Variants in DUOX2 observed in about 807,000 individuals in gnomAD.
DUOX2 encodes NADH/NADPH thyroid oxidase p138-tox.
A neutral mutation model predicts 183.3 loss-of-function variants in DUOX2; 185 were observed. The observed-to-expected ratio is 1.01, with a 90% CI of 0.90 to 1.14. The LOEUF (loss-of-function observed/expected upper bound fraction) is 1.14. Among genes scored for constraint, DUOX2 ranks in the 50% most tolerant of loss-of-function variants. The pLI, the probability that DUOX2 is intolerant of heterozygous loss-of-function variation, is 0.00. For missense variants in DUOX2, 1,999 were observed against 2,022.9 expected (o/e 0.99, Z 0.23); for synonymous variants, 788 against 812.4 (o/e 0.97, Z 0.51).
At chr15:45,109,033 C>T (rs1894308738) in intron 11 of DUOX2, 81 bp from the exon 12 acceptor site, 8 of 1,553,330 alleles carry the variant, frequency 5.2e-6, no homozygotes, top group African/African-American at 1.4e-5. Flanking sequence ...TGACTATTGG[C>T]ACTACGGTTC....
intron 26 of DUOX2, 179 bp downstream of exon 26, chr15:45,099,204 G>T (rs1212269765): frequency 5.7e-6 from 3 of 529,810 alleles, no homozygotes; most frequent in Non-Finnish European, 1.0e-5. Flanking sequence ...TAGAGACGGG[G>T]TTTCACCGTG....
rs1206631762 is a variant in DUOX2 at position 45,111,903 on chromosome 15, G to A, written c.378C>T (p.Ala126=). Residue 126 remains alanine (A), a synonymous_variant, in exon 5 of 34, where the codon GCC becomes GCT. Transcript: ENST00000389039. ...VVSVETPGCP[A]EFLNIRIPPG... The stretch of plus-strand genomic sequence containing the variant: ...GTGGGATGCGGATGTTGAGGAACTC[G>A]GCGGGGCAACCGGGCGTTTCCACGC... The A allele has an allele frequency of 4.3e-6, 7 of 1,613,732 alleles. No individual in the cohort carries two copies. The highest frequency in any genetic ancestry group is 5.9e-6 in the Non-Finnish European group (7 of 1,180,002).
In DUOX2 at chr15:45,111,412, G is replaced by C. The variant is rs1468931083; in HGVS notation, c.687C>G (p.Thr229=). 3.4e-6 allele frequency: 5 copies of C among 1,490,808 alleles called. No homozygotes were observed. The highest frequency in any genetic ancestry group is 4.5e-6 in the Non-Finnish European group (5 of 1,121,596). The allele number at this position is 1,490,808 out of a possible 1,614,324, so 92.3% of individuals were successfully genotyped here. The change falls in exon 6 of 34, where the codon ACC becomes ACG. Residue 229 remains threonine (T), a synonymous_variant. Coordinates refer to ENST00000389039, the MANE Select transcript of DUOX2 (RefSeq NM_001363711.2). The part of the protein sequence containing the change: ...LLMWAAPDPA[T]GQNGPRGLYA... ...ACAGCCCCCGGGGCCCGTTCTGCCCGGTGGCGGGGTCGGGCGCCGCCCACA... is the reference window on the plus strand; with the variant it reads ...ACAGCCCCCGGGGCCCGTTCTGCCCCGTGGCGGGGTCGGGCGCCGCCCACA...
intron 32 of DUOX2, 68 bp from the exon 33 acceptor site, chr15:45,094,759 T>C: frequency 1.2e-6 from 2 of 1,606,152 alleles, no homozygotes; most frequent in Non-Finnish European, 8.5e-7. Context: ...CCAGCCCACA[T>C]AGCCCAAGAG....
chr15:45,110,666 T>A lies in DUOX2; in HGVS notation c.927A>T (p.Thr309=), dbSNP rs1038359107. Residue 309 remains threonine, a synonymous_variant, in exon 8 of 34, where the codon ACA becomes ACT. Transcript: ENST00000389039. ...YEWLPSFLQK[T]LPEYTGYRPF... ...CTCCCTCACCTGTATACTCCGGGAG[T>A]GTTTTCTGCAGGAAGCTGGGCAGCC... is the stretch of plus-strand genomic sequence containing the variant. 4 of 1,612,064 alleles carry A rather than the reference T, an allele frequency of 2.5e-6. No homozygotes were observed. The African/African-American group carries it at 5.4e-5, about 22-fold the overall frequency.
At position 45,097,262 on chromosome 15, in the gene DUOX2, C is replaced by T; in HGVS notation, c.3823G>A (p.Val1275Met). ...CCTGAGGGCAGCAGCTCCGCCTTCA[C>T]CACGCTGATCTCCACCTTCTTCCGG... ...LSRKKVEISV[V>M]KAELLPSGVT... The change falls in exon 29 of 34, where the codon GTG (valine) becomes ATG (methionine). Residue 1275 changes from valine (V) to methionine (M), a missense_variant. Around this residue, in one of 3 missense-constraint regions of DUOX2, gnomAD observed 1,628 missense variants for 1,608.6 expected, o/e 1.01. Coordinates refer to ENST00000389039, the MANE Select transcript of DUOX2 (RefSeq NM_001363711.2). 6.2e-7 allele frequency: 1 copy of T among 1,614,240 alleles called. No homozygotes were observed. The highest frequency in any genetic ancestry group is 8.5e-7 in the Non-Finnish European group (1 of 1,180,048).
chr15:45,112,485 G>C (rs927841267), intron 4 of DUOX2, 69 bp downstream of exon 4: 1 of 1,586,004 alleles, frequency 6.3e-7, no homozygotes, highest in Non-Finnish European at 8.6e-7. Flanking sequence ...TCGCAGACGG[G>C]ATCTGGCCCC....
chr15:45,107,231 C>A lies in DUOX2; in HGVS notation c.1693+114G>T, dbSNP rs774147306. The A allele has an allele frequency of 3.1e-5, 44 of 1,403,144 alleles. No homozygotes were observed. In the East Asian group the frequency reaches 9.1e-4, roughly 29 times the overall value. 86.9% of individuals were successfully genotyped at this position (1,403,144 alleles called of 1,614,324 possible). ...AGCCAGCCAAATGCAGGCCTCCTAG[C>A]CCAACACAGAAGGTGCCTGGCTCCC... On this transcript the variant is annotated intron_variant, in intron 14 of 33. Coordinates refer to ENST00000389039, the MANE Select transcript of DUOX2 (RefSeq NM_001363711.2).
chr15:45,107,868 A>AG (rs1215269293), intron 13 of DUOX2, among the ~76,000 whole-genome samples, 179 bp downstream of exon 13: 57 of 13,536 alleles, frequency 4.2e-3, no homozygotes, highest in East Asian at 0.012. Context: ...AAAAAAAAAA[A>AG]AAAAGAAAAA....
intron 20 of DUOX2, among the ~76,000 whole-genome samples, chr15:45,102,497 G>A (rs1894108973): frequency 2.0e-5 from 3 of 152,224 alleles, no homozygotes; most frequent in Non-Finnish European, 2.9e-5. Context: ...ACCCACAGTG[G>A]CACCTGCAGT....
Position 45,113,347 on chromosome 15 carries a change from G to A in DUOX2, c.65C>T (p.Pro22Leu). ...LGALLTGSLG[P>L]SGSQDALSLP... Reference sequence around the variant, plus strand: ...TAGAGGAGCCTGATACTTGCCCGATGGACCCAGGGATCCAGTCAGAAGAGC... The same window carrying A: ...TAGAGGAGCCTGATACTTGCCCGATAGACCCAGGGATCCAGTCAGAAGAGC... The change falls in exon 2 of 34, where the codon CCA becomes CTA. Residue 22 changes from proline to leucine, a missense_variant. By Grantham distance (98) the Pro-to-Leu change is moderately conservative (BLOSUM62 -3). Around this residue, in one of 3 missense-constraint regions of DUOX2, gnomAD observed 356 missense variants for 356.4 expected, o/e 1.00. Transcript: ENST00000389039. The A allele has an allele frequency of 2.6e-6, 4 of 1,561,832 alleles. No individual in the cohort carries two copies. Among genetic ancestry groups the A allele is most frequent in the Non-Finnish European group, 3.5e-6 (4 of 1,151,938 alleles).
chr15:45,103,611 C>T (rs769232701), intron 20 of DUOX2, among the ~76,000 whole-genome samples: 2 of 152,070 alleles, frequency 1.3e-5, no homozygotes, highest in African/African-American at 2.4e-5. Flanking sequence ...GGGTAGAGCA[C>T]GGTGTTGGGC....
chr15:45,111,521 T>G lies in DUOX2; in HGVS notation c.578A>C (p.Asp193Ala). ...TCCCCCCGAGAAGCTCCGCAGCGCGTCGCTCCAGGAGTGCGAGGAGCCATA... is the reference window on the plus strand; with the variant it reads ...TCCCCCCGAGAAGCTCCGCAGCGCGGCGCTCCAGGAGTGCGAGGAGCCATA... Reference protein sequence around the residue: ...AIYGSSHSWSDALRSFSGGQL... With the variant: ...AIYGSSHSWSAALRSFSGGQL... The change falls in exon 6 of 34, where the codon GAC (aspartate) becomes GCC (alanine). Residue 193 changes from aspartate (D) to alanine (A), a missense_variant. Physicochemically the swap from Asp to Ala is moderately radical, Grantham distance 126 (BLOSUM62 -2). Coordinates refer to ENST00000389039, the MANE Select transcript of DUOX2 (RefSeq NM_001363711.2). 5 of 1,553,118 alleles carry G rather than the reference T, an allele frequency of 3.2e-6. No homozygotes were observed. The highest frequency in any genetic ancestry group is 4.3e-6 in the Non-Finnish European group (5 of 1,152,274).
rs778893675 is a variant in DUOX2, at chr15:45,109,542, C to T, written c.1216G>A (p.Val406Met). ...AGCTCACCCCTCAGATCTTCAACCA[C>T]TATGTTGTCCTCCAACTCCGAAATC... ...SQISELEDNI[V>M]VEDLRDYWPG... Residue 406 changes from valine to methionine, a missense_variant, in exon 11 of 34, where the codon GTG becomes ATG. By Grantham distance (21) the Val-to-Met change is conservative. Around this residue, in one of 3 missense-constraint regions of DUOX2, gnomAD observed 1,628 missense variants for 1,608.6 expected, o/e 1.01. Transcript: ENST00000389039. 1.9e-6 allele frequency: 3 copies of T among 1,614,144 alleles called. No individual in the cohort carries two copies. Among genetic ancestry groups the T allele is most frequent in the African/African-American group, 2.7e-5 (2 of 75,042 alleles).
rs754809338 is a variant in DUOX2, at chr15:45,111,518, G to A, written c.581C>T (p.Ala194Val). The A allele has an allele frequency of 1.3e-6, 2 of 1,552,994 alleles. No homozygotes were observed. The highest frequency in any genetic ancestry group is 1.4e-5 in the African/African-American group (1 of 72,520). Residue 194 changes from alanine (A) to valine (V), a missense_variant, in exon 6 of 34, where the codon GCG becomes GTG. This residue lies in a region of DUOX2 where 356 missense variants were observed against 356.4 expected (regional missense o/e 1.00). Transcript: ENST00000389039. The stretch of plus-strand genomic sequence containing the variant: ...CTGTCCCCCCGAGAAGCTCCGCAGC[G>A]CGTCGCTCCAGGAGTGCGAGGAGCC... ...IYGSSHSWSD[A>V]LRSFSGGQLA...
intron 6 of DUOX2, 36 bp downstream of exon 6, chr15:45,111,348 C>T: frequency 1.4e-6 from 2 of 1,423,186 alleles, no homozygotes; most frequent in African/African-American, 1.5e-5. Context: ...CACTCGCAGA[C>T]CCCCAGCCGG....
At chr15:45,099,567 G>A in intron 25 of DUOX2, 85 bp from the exon 26 acceptor site, 4 of 1,580,230 alleles carry the variant, frequency 2.5e-6, no homozygotes, top group Non-Finnish European at 3.5e-6. Flanking sequence ...ATAGGGAGGA[G>A]AGATGGAGGT....
chr15:45,107,484 G>T (rs888276006), intron 13 of DUOX2, 21 bp from the exon 14 acceptor site: 1 of 1,612,992 alleles, frequency 6.2e-7, no homozygotes, highest in African/African-American at 1.3e-5. Flanking sequence ...GGAAGTAGAA[G>T]TCACTGGGAT....
intron 20 of DUOX2, among the ~76,000 whole-genome samples, chr15:45,103,216 C>T (rs1894124924): frequency 6.6e-6 from 1 of 152,222 alleles, no homozygotes; most frequent in Non-Finnish European, 1.5e-5. Context: ...TAAGGCTTAA[C>T]AGGATAGAAA....
Sources: allele counts gnomAD v4.1 joint callset (sites outside exome capture counted in the v4.1 genomes callset), GRCh38; gene constraint gnomAD v4.1.1; regional missense constraint gnomAD v4.1.1; transcripts MANE v1.5; gene names NCBI Gene and HGNC (gene_info 2026-07-23, HGNC 2026-07-21).